Variants in CWC27 observed in about 807,000 individuals in gnomAD.
The protein encoded by CWC27 is CWC27 spliceosome associated cyclophilin.
Under a neutral mutation model 63.6 loss-of-function variants are expected in CWC27, and 47 were observed. That is an observed-to-expected ratio of 0.74 (90% CI 0.58 to 0.94). CWC27 has a LOEUF of 0.94. Ranked by LOEUF, CWC27 falls within the 40% of genes least tolerant of loss-of-function variation. The pLI, the probability that CWC27 is intolerant of heterozygous loss-of-function variation, is 0.00. For missense variants in CWC27, 495 were observed against 554.3 expected (o/e 0.89, Z 1.07); for synonymous variants, 175 against 179.8 (o/e 0.97, Z 0.22).
chr5:64,815,025 A>T (rs752732148), intron 10 of CWC27, among the ~76,000 whole-genome samples: 1 of 152,058 alleles, frequency 6.6e-6, no homozygotes, highest in Non-Finnish European at 1.5e-5. Context: ...CTGGCTTGGA[A>T]GACTGGCTAA....
chr5:64,867,368 G>A (rs1270701436), intron 10 of CWC27, among the ~76,000 whole-genome samples: 1 of 152,046 alleles, frequency 6.6e-6, no homozygotes, highest in African/African-American at 2.4e-5. Context: ...AAAGTTTTAT[G>A]ATAGATATTA....
At chr5:64,917,925 G>A (rs1021017979) in intron 11 of CWC27, among the ~76,000 whole-genome samples, 4 of 151,702 alleles carry the variant, frequency 2.6e-5, no homozygotes, top group Admixed American at 2.6e-4. Flanking sequence ...TATATATAGA[G>A]AGAGATACAT....
At chr5:64,814,321 C>T (rs1431116140) in intron 10 of CWC27, among the ~76,000 whole-genome samples, 1 of 152,032 alleles carries the variant, frequency 6.6e-6, no homozygotes, top group East Asian at 1.9e-4. Context: ...TATCAGTCTC[C>T]TTTCAAGTTG....
chr5:64,986,547 T>C (rs1476845952), intron 13 of CWC27, among the ~76,000 whole-genome samples: 2 of 152,254 alleles, frequency 1.3e-5, no homozygotes, highest in African/African-American at 4.8e-5. Flanking sequence ...GCTGACTTCA[T>C]AGAGCAAGTT....
intron 13 of CWC27, among the ~76,000 whole-genome samples, chr5:64,979,760 T>C (rs567595381): frequency 6.6e-6 from 1 of 152,286 alleles, no homozygotes; most frequent in Non-Finnish European, 1.5e-5. Flanking sequence ...AAATGATTGC[T>C]TCTAAGACAT....
intron 2 of CWC27, among the ~76,000 whole-genome samples, chr5:64,781,365 A>G (rs1743682038): frequency 6.6e-6 from 1 of 152,208 alleles, no homozygotes; most frequent in African/African-American, 2.4e-5. Context: ...ATTTTGATAT[A>G]TTATGAGTTT....
chr5:64,914,039 G>T (rs1747842574), intron 11 of CWC27, among the ~76,000 whole-genome samples: 1 of 152,072 alleles, frequency 6.6e-6, no homozygotes, highest in South Asian at 2.1e-4. Flanking sequence ...ACACATAAAA[G>T]ATAGTGCTGA....
chr5:64,836,428 A>G (rs961935196), intron 10 of CWC27, among the ~76,000 whole-genome samples: 4 of 151,950 alleles, frequency 2.6e-5, no homozygotes, highest in Admixed American at 6.6e-5. Flanking sequence ...CTTTCATTCA[A>G]TTGTTAATCA....
At chr5:65,012,090 GTC>G (rs2112474871) in intron 13 of CWC27, among the ~76,000 whole-genome samples, 1 of 152,248 alleles carries the variant, frequency 6.6e-6, no homozygotes, top group South Asian at 2.1e-4. Context: ...CTGGATTCAT[GTC>G]TTTTTATGGT....
chr5:64,821,678 G>C (rs77428108), intron 10 of CWC27, among the ~76,000 whole-genome samples: 53,602 of 151,928 alleles, frequency 0.35, 9,901 homozygotes, highest in East Asian at 0.51. Context: ...GATCAGAGTG[G>C]TATTGCAAAA....
chr5:64,986,451 A>G (rs1446189563), intron 13 of CWC27, among the ~76,000 whole-genome samples: 1 of 152,098 alleles, frequency 6.6e-6, no homozygotes, highest in East Asian at 1.9e-4. Flanking sequence ...TTTGTTGAGG[A>G]TATTTGAATC....
chr5:64,834,468 G>A (rs541532171), intron 10 of CWC27, among the ~76,000 whole-genome samples: 2 of 151,618 alleles, frequency 1.3e-5, no homozygotes, highest in South Asian at 4.2e-4. Context: ...TTAACCTCAT[G>A]TTTATAATTT....
intron 10 of CWC27, among the ~76,000 whole-genome samples, chr5:64,822,350 A>G (rs1398764199): frequency 1.3e-5 from 2 of 152,244 alleles, no homozygotes; most frequent in Non-Finnish European, 2.9e-5. Context: ...AGAAATCTAT[A>G]TAAAACACAA....
intron 13 of CWC27, among the ~76,000 whole-genome samples, chr5:64,985,867 G>A (rs189261498): frequency 6.6e-6 from 1 of 152,212 alleles, no homozygotes; most frequent in East Asian, 1.9e-4. Flanking sequence ...CATTAAGTAT[G>A]GGCTTTTCAT....
intron 13 of CWC27, among the ~76,000 whole-genome samples, chr5:65,017,031 T>G (rs906224592): frequency 6.6e-6 from 1 of 152,072 alleles, no homozygotes; most frequent in South Asian, 2.1e-4. Flanking sequence ...GTATGAAAAT[T>G]GAACTTTTCG....
intron 11 of CWC27, among the ~76,000 whole-genome samples, chr5:64,954,472 T>TTTTTAAAATTTTTTAAA (rs1200779736): frequency 6.6e-6 from 1 of 151,900 alleles, no homozygotes; most frequent in Non-Finnish European, 1.5e-5. Flanking sequence ...TTTAAAGACA[T>TTTTTAAAATTTTTTAAA]GGGATCTCGC....
chr5:64,980,070 C>T (rs1749307917), intron 13 of CWC27, among the ~76,000 whole-genome samples: 1 of 150,492 alleles, frequency 6.6e-6, no homozygotes, highest in Admixed American at 6.6e-5. Flanking sequence ...ATTTCACTAA[C>T]AAGGCATTTA....
intron 10 of CWC27, among the ~76,000 whole-genome samples, chr5:64,840,361 TTAAAAAAAAAAAAAA>T (rs1380958487): frequency 6.4e-4 from 23 of 35,852 alleles, no homozygotes; most frequent in African/African-American, 1.9e-3. Context: ...TCCTTTTTCA[TTAAAAAAAAAAAAAA>T]AAAAAAAAAA....
In CWC27 at chr5:64,939,735, T is replaced by C. The variant is rs377061195; in HGVS notation, c.1043-31968T>C. Among the ~76,000 whole-genome samples the C allele has an allele frequency of 1.0e-3, 152 of 152,284 alleles. 1 individual carries two copies. The highest frequency in any genetic ancestry group is 3.5e-3 in the African/African-American group (146 of 41,530). On this transcript the variant is annotated intron_variant, in intron 11 of 13. Transcript: ENST00000381070. ...ACCCACAGCCGCTTTTTCCCTCAGG[T>C]GCTCTGTCCCAGGGAGATGGGAGTT...
Sources: allele counts gnomAD v4.1 joint callset (sites outside exome capture counted in the v4.1 genomes callset), GRCh38; gene constraint gnomAD v4.1.1; transcripts MANE v1.5; gene names NCBI Gene and HGNC (gene_info 2026-07-23, HGNC 2026-07-21).